C1GALT1: variants seen among roughly 807,000 people sequenced by gnomAD.
The protein encoded by C1GALT1 is core 1 synthase, glycoprotein-N-acetylgalactosamine 3-beta-galactosyltransferase 1.
Under a neutral mutation model 31.0 loss-of-function variants are expected in C1GALT1, and 11 were observed. That is an observed-to-expected ratio of 0.36 (90% CI 0.22 to 0.59). The LOEUF (loss-of-function observed/expected upper bound fraction) is 0.59. Among genes scored for constraint, C1GALT1 ranks in the 20% least tolerant of loss-of-function variants. C1GALT1 has a pLI of 0.79. For missense variants in C1GALT1, 424 were observed against 425.2 expected, an observed-to-expected ratio of 1.00 and a Z score of 0.03; for synonymous variants, 175 against 143.6, an observed-to-expected ratio of 1.22 and a Z score of -1.56.
chr7:7,223,656 A>G (rs1442278997), intron 1 of C1GALT1, among the ~76,000 whole-genome samples: 3 of 152,128 alleles, frequency 2.0e-5, no homozygotes, highest in African/African-American at 7.2e-5. Flanking sequence ...TCTTTTCACA[A>G]AATCCTTGAG....
At position 7,169,168 on chromosome 7, in the gene C1GALT1, G is replaced by A. The variant is rs1780426471; in HGVS notation, c.-18+11742G>A. Among the ~76,000 whole-genome samples, 4 of 152,142 alleles carry A rather than the reference G, an allele frequency of 2.6e-5. No individual in the cohort carries two copies. The South Asian group carries it at 8.3e-4, about 31-fold the overall frequency. ...TATAATGTTTTCAAGGCTCATCCAT[G>A]TAGTAGCATATATCAAAACTTGATT... On this transcript the variant is annotated intron_variant, in intron 2 of 3. Transcript: ENST00000429911.
chr7:7,166,119 G>A (rs1034830024), intron 2 of C1GALT1, among the ~76,000 whole-genome samples: 9 of 152,082 alleles, frequency 5.9e-5, no homozygotes, highest in African/African-American at 1.9e-4. Context: ...TGAAAAAAAC[G>A]TATATTACTG....
At chr7:7,220,464 A>G (rs886305833) in intron 1 of C1GALT1, among the ~76,000 whole-genome samples, 4 of 152,234 alleles carry the variant, frequency 2.6e-5, no homozygotes, top group Admixed American at 2.6e-4. Context: ...GTGCTTTAAA[A>G]TATGGTATAT....
intron 2 of C1GALT1, among the ~76,000 whole-genome samples, chr7:7,158,728 C>T (rs1003244270): frequency 3.3e-5 from 5 of 151,612 alleles, no homozygotes; most frequent in Admixed American, 1.3e-4. Context: ...GACTCATATA[C>T]GCATATATGA....
intron 1 of C1GALT1, among the ~76,000 whole-genome samples, chr7:7,214,265 A>G (rs1165487309): frequency 6.6e-6 from 1 of 152,176 alleles, no homozygotes; most frequent in Non-Finnish European, 1.5e-5. Flanking sequence ...TTTTTTTCCC[A>G]AAACAGGGTC....
In C1GALT1 at chr7:7,201,195, C is replaced by G. The variant is rs142574386; in HGVS notation, c.-18+18375C>G. 7.2e-3 allele frequency among the ~76,000 whole-genome samples: 1,090 copies of G among 152,266 alleles called. 7 individuals are homozygous for G. The highest frequency in any genetic ancestry group is 0.011 in the Non-Finnish European group (759 of 68,014). The stretch of plus-strand genomic sequence containing the variant: ...AAAATGGGATTTTGGTGTGGATGTC[C>G]TTTCTGTTTGTTGGTTTTCCTTCTA... On this transcript the variant is annotated intron_variant, in intron 1 of 3. Transcript: ENST00000436587.
At chr7:7,194,871 G>C (rs1432592258) in intron 1 of C1GALT1, among the ~76,000 whole-genome samples, 5 of 152,002 alleles carry the variant, frequency 3.3e-5, no homozygotes, top group Non-Finnish European at 7.4e-5. Flanking sequence ...GGTCTGTTCA[G>C]AGTTTCTATT....
chr7:7,207,921 C>T (rs568812447), intron 1 of C1GALT1, among the ~76,000 whole-genome samples: 1 of 152,086 alleles, frequency 6.6e-6, no homozygotes, highest in African/African-American at 2.4e-5. Context: ...CCCTCTTTAT[C>T]CCTGCTTCCA....
intron 2 of C1GALT1, among the ~76,000 whole-genome samples, chr7:7,167,760 C>G (rs1282201778): frequency 1.3e-5 from 2 of 152,082 alleles, no homozygotes; most frequent in African/African-American, 4.8e-5. Flanking sequence ...CTCACAGCGC[C>G]CAGTCCCTTA....
intron 1 of C1GALT1, among the ~76,000 whole-genome samples, chr7:7,231,650 A>G (rs1204065984): frequency 6.6e-6 from 1 of 152,166 alleles, no homozygotes; most frequent in Middle Eastern, 3.2e-3. Context: ...AGTTATTTCT[A>G]AGCTAAAAAT....
Position 7,246,926 on chromosome 7 carries a change from A to G in C1GALT1, c.*3199A>G, listed in dbSNP as rs1783871271. 6.6e-6 allele frequency: 1 copy of G among 152,136 alleles called. No homozygotes were observed. Among genetic ancestry groups the G allele is most frequent in the African/African-American group, 2.4e-5 (1 of 41,444 alleles). 9.4% of individuals were successfully genotyped at this position (152,136 alleles called of 1,614,324 possible). On this transcript the variant is annotated 3_prime_UTR_variant, in exon 4 of 4. Transcript: ENST00000436587. ...TCATTGGATCATTCATTTTGGCCAA[A>G]TTTTTAGCTTCTCCAAAGTGACTAA...
intron 1 of C1GALT1, among the ~76,000 whole-genome samples, chr7:7,218,530 G>A (rs1782354706): frequency 6.6e-6 from 1 of 152,116 alleles, no homozygotes; most frequent in Non-Finnish European, 1.5e-5. Context: ...ATTAGATTTG[G>A]GGGTGGGGGA....
chr7:7,208,093 A>G (rs1781830826), intron 1 of C1GALT1, among the ~76,000 whole-genome samples: 1 of 152,116 alleles, frequency 6.6e-6, no homozygotes, highest in Non-Finnish European at 1.5e-5. Context: ...TGTCCATCAT[A>G]TGCACGTTGT....
intron 2 of C1GALT1, among the ~76,000 whole-genome samples, chr7:7,160,671 A>T (rs528516738): frequency 6.6e-6 from 1 of 152,296 alleles, no homozygotes; most frequent in East Asian, 1.9e-4. Context: ...AAGGATGGAC[A>T]CATACATGCA....
intron 2 of C1GALT1, chr7:7,235,222 C>T (rs1020679700): frequency 2.0e-5 from 3 of 152,166 alleles, no homozygotes; most frequent in Non-Finnish European, 4.4e-5. Context: ...GTGACATTAA[C>T]ACAATGCAAA....
intron 1 of C1GALT1, among the ~76,000 whole-genome samples, chr7:7,229,515 T>G (rs915211374): frequency 2.6e-5 from 4 of 152,198 alleles, no homozygotes; most frequent in African/African-American, 9.6e-5. Context: ...GTCTTGATCA[T>G]GTATACTGCT....
chr7:7,182,426 G>A (rs1016495337), upstream of C1GALT1: 1 of 152,350 alleles, frequency 6.6e-6, no homozygotes, highest in Admixed American at 6.5e-5. Flanking sequence ...CTTCGCATTA[G>A]GGCGGAGCGT....
At chr7:7,177,954 C>T (rs1239194221), upstream of C1GALT1, 16 of 205,394 alleles carry the variant, frequency 7.8e-5, no homozygotes, top group Admixed American at 7.0e-4. Context: ...TACAGGTCAT[C>T]CAGCTAATCA....
At chr7:7,227,931 C>A (rs1160779003) in intron 1 of C1GALT1, among the ~76,000 whole-genome samples, 2 of 152,064 alleles carry the variant, frequency 1.3e-5, no homozygotes, top group African/African-American at 4.8e-5. Context: ...TATAAATTAC[C>A]CAGTTTCAGT....
Sources: allele counts gnomAD v4.1 joint callset (sites outside exome capture counted in the v4.1 genomes callset), GRCh38; gene constraint gnomAD v4.1.1; transcripts MANE v1.5; gene names NCBI Gene and HGNC (gene_info 2026-07-23, HGNC 2026-07-21).